Variants in BMP8B observed in about 807,000 individuals in gnomAD.
The protein encoded by BMP8B is bone morphogenetic protein 8b, also known as bone morphogenetic protein 8 (osteogenic protein 2).
BMP8B carries 17 observed loss-of-function variants against 30.3 expected under a neutral mutation model. That is an observed-to-expected ratio of 0.56 (90% confidence interval 0.38 to 0.84). The LOEUF (loss-of-function observed/expected upper bound fraction) is 0.84. Ranked by LOEUF, BMP8B falls within the 40% of genes least tolerant of loss-of-function variation. The pLI, the probability that BMP8B is intolerant of heterozygous loss-of-function variation, is 0.00. For missense variants in BMP8B, 253 were observed against 494.6 expected (o/e 0.51, Z 4.63); for synonymous variants, 131 against 214.7 (o/e 0.61, Z 3.41).
intron 3 of BMP8B, among the ~76,000 whole-genome samples, chr1:39,769,242 C>T (rs999247798): frequency 3.3e-5 from 5 of 150,952 alleles, no homozygotes; most frequent in African/African-American, 1.2e-4. Context: ...GTGAAGATAG[C>T]ATGTCTTCCA....
intron 1 of BMP8B, among the ~76,000 whole-genome samples, chr1:39,779,527 G>C (rs1650473134): frequency 6.6e-6 from 1 of 152,234 alleles, no homozygotes; most frequent in African/African-American, 2.4e-5. Flanking sequence ...GGAATCCTAA[G>C]AGAAGTGCAC....
chr1:39,787,135 T>A (rs1651038015), intron 1 of BMP8B, among the ~76,000 whole-genome samples: 1 of 152,164 alleles, frequency 6.6e-6, no homozygotes, highest in Non-Finnish European at 1.5e-5. Context: ...AGCCTCACTG[T>A]CCTCATCTGG....
chr1:39,786,067 C>T (rs892109147), intron 1 of BMP8B, among the ~76,000 whole-genome samples: 4 of 152,160 alleles, frequency 2.6e-5, no homozygotes, highest in African/African-American at 4.8e-5. Flanking sequence ...GATGTCACCC[C>T]GGATGTGCGG....
At chr1:39,779,987 C>T (rs115693686) in intron 1 of BMP8B, among the ~76,000 whole-genome samples, 3,931 of 152,330 alleles carry the variant, frequency 0.026, 103 homozygotes, top group East Asian at 0.13. Flanking sequence ...CTGGGGCTGA[C>T]GGATCCACTT....
At chr1:39,761,191 G>T in intron 6 of BMP8B, 1 of 153,170 alleles carries the variant, frequency 6.5e-6, no homozygotes, top group Non-Finnish European at 1.5e-5. Flanking sequence ...TCTGCACTTG[G>T]GGTCTAATGG....
At chr1:39,776,106 C>A (rs1301789339) in intron 1 of BMP8B, among the ~76,000 whole-genome samples, 1 of 152,242 alleles carries the variant, frequency 6.6e-6, no homozygotes, top group Non-Finnish European at 1.5e-5. Context: ...GGGACGGGGG[C>A]AGCAGGGAGG....
At chr1:39,762,763 T>C in intron 6 of BMP8B, 1 of 1,347,924 alleles carries the variant, frequency 7.4e-7, no homozygotes, top group Non-Finnish European at 9.9e-7. Context: ...CCCCACACAG[T>C]GTACACATCT....
rs566135524 is a variant in BMP8B at position 39,772,461 on chromosome 1, C to A, written c.673+1847G>T. Among the ~76,000 whole-genome samples, 4 of 77,260 alleles carry A rather than the reference C, an allele frequency of 5.2e-5. 1 individual carries two copies. In the East Asian group the frequency reaches 1.1e-3, roughly 21 times the overall value. 50.7% of individuals were successfully genotyped at this position (77,260 alleles called of 152,430 possible). ...CTTTAAATCCACTTACATGCCAGCA[C>A]CTCCCTCGCCTGGGTCTTCACACTC... On this transcript the variant is annotated intron_variant, in intron 3 of 6. Coordinates refer to ENST00000372827, the MANE Select transcript of BMP8B (RefSeq NM_001720.5).
At position 39,760,360 on chromosome 1, in the gene BMP8B, C is replaced by T; in HGVS notation, c.*59G>A. The stretch of plus-strand genomic sequence containing the variant: ...TCTGGCTGGGTTTGAGGGTTTCCTG[C>T]TTCTGAGGGGCCCGATCCAGATGAG... On this transcript the variant is annotated 3_prime_UTR_variant, in exon 7 of 7. Coordinates refer to ENST00000372827, the MANE Select transcript of BMP8B (RefSeq NM_001720.5). 1.2e-6 allele frequency: 2 copies of T among 1,603,492 alleles called. No individual in the cohort carries two copies. Among genetic ancestry groups the T allele is most frequent in the Non-Finnish European group, 1.7e-6 (2 of 1,176,768 alleles).
At position 39,759,955 on chromosome 1, in the gene BMP8B, A is replaced by C; in HGVS notation, c.*464T>G. The stretch of plus-strand genomic sequence containing the variant: ...ACCCCACCTTGCACCTCGGGCAGGC[A>C]ATGGGGAGCCAACCAGACCCTGACT... On this transcript the variant is annotated 3_prime_UTR_variant, in exon 7 of 7. Coordinates refer to ENST00000372827, the MANE Select transcript of BMP8B (RefSeq NM_001720.5). The C allele has an allele frequency of 5.7e-6, 1 of 174,466 alleles. No individual in the cohort carries two copies. Among genetic ancestry groups the C allele is most frequent in the African/African-American group, 2.4e-5 (1 of 42,192 alleles). The allele number at this position is 174,466 out of a possible 1,614,324, so 10.8% of individuals were successfully genotyped here. A position where few individuals can be genotyped will look rare whatever the true frequency, so the allele number is the denominator to read the frequency against.
At chr1:39,784,372 G>C (rs1283696238) in intron 1 of BMP8B, among the ~76,000 whole-genome samples, 3 of 147,604 alleles carry the variant, frequency 2.0e-5, no homozygotes, top group Non-Finnish European at 4.5e-5. Flanking sequence ...CTTGTGTGTG[G>C]GTCTCAGGTC....
chr1:39,770,669 T>A, intron 3 of BMP8B: 1 of 1,441,538 alleles, frequency 6.9e-7, no homozygotes, highest in Non-Finnish European at 9.3e-7. Flanking sequence ...CAAAAGGAAG[T>A]GGTCGCCGTT....
intron 5 of BMP8B, 119 bp downstream of exon 5, chr1:39,763,593 A>G (rs1649342142): frequency 5.0e-6 from 7 of 1,390,894 alleles, no homozygotes; most frequent in Non-Finnish European, 5.8e-6. Context: ...TGGAAAACAC[A>G]GAAGAAAAAA....
rs1648772787 is a variant in BMP8B, at chr1:39,760,389, G to A, written c.*30C>T. On this transcript the variant is annotated 3_prime_UTR_variant, in exon 7 of 7. Coordinates refer to ENST00000372827, the MANE Select transcript of BMP8B (RefSeq NM_001720.5). ...TGAGGGGCCCGATCCAGATGAGAAG[G>A]GTGGCTGCAGCTGGGCCGGGCGGGT... 1 of 1,612,076 alleles carries A rather than the reference G, an allele frequency of 6.2e-7. No individual in the cohort carries two copies. The highest frequency in any genetic ancestry group is 1.3e-5 in the African/African-American group (1 of 75,048).
rs1244550550 is a variant in BMP8B, at chr1:39,759,137, G to A, written c.*1282C>T. On this transcript the variant is annotated 3_prime_UTR_variant, in exon 7 of 7. Transcript: ENST00000372827. ...CAAATAAACACTCCAACTCCCAGTG[G>A]CTGCTCCAAGGAGAACAGCAGTTTC... is the stretch of plus-strand genomic sequence containing the variant. 6.6e-6 allele frequency: 1 copy of A among 152,282 alleles called. No homozygotes were observed. Among genetic ancestry groups the A allele is most frequent in the Non-Finnish European group, 1.5e-5 (1 of 68,084 alleles). The allele number at this position is 152,282 out of a possible 1,614,324, so 9.4% of individuals were successfully genotyped here. A position where few individuals can be genotyped will look rare whatever the true frequency, so the allele number is the denominator to read the frequency against.
Position 39,760,606 on chromosome 1 carries a change from A to T in BMP8B, c.1060-38T>A, listed in dbSNP as rs573076275. 295 of 1,602,518 alleles carry T rather than the reference A, an allele frequency of 1.8e-4. 2 individuals are homozygous for T. The South Asian group carries it at 3.1e-3, about 17-fold the overall frequency. On this transcript the variant is annotated intron_variant, in intron 6 of 6. Transcript: ENST00000372827. ...AGGGCACAGGCAGGGGCATGAGCCC[A>T]GTGGCCTCCTCCAAGGACCCACCCA...
At position 39,762,852 on chromosome 1, in the gene BMP8B, G is replaced by T. The variant is rs556256167; in HGVS notation, c.1059+240C>A. ...GGAGTTTGTTCGGTGCATAGAACAG[G>T]CATGTGTACACGACTGTTCACGTAT... On this transcript the variant is annotated intron_variant, in intron 6 of 6. Transcript: ENST00000372827. Among the ~76,000 whole-genome samples the T allele has an allele frequency of 2.0e-5, 3 of 152,384 alleles. No homozygotes were observed. In the South Asian group the frequency reaches 6.2e-4, roughly 32 times the overall value.
chr1:39,762,603 G>T, intron 6 of BMP8B: 1 of 1,550,202 alleles, frequency 6.5e-7, no homozygotes, highest in Non-Finnish European at 8.7e-7. Flanking sequence ...AAAGCCAAAA[G>T]GTTGAGAGCC....
intron 6 of BMP8B, 138 bp downstream of exon 6, chr1:39,762,954 G>C: frequency 9.1e-7 from 1 of 1,097,712 alleles, no homozygotes; most frequent in African/African-American, 1.6e-5. Context: ...GGAAGTTAGC[G>C]ACGTTACTGA....
Sources: gnomAD v4.1 joint callset for allele counts (sites outside exome capture counted in the v4.1 genomes callset) on GRCh38, gnomAD v4.1.1 for gene constraint, MANE v1.5 for transcripts, NCBI Gene and HGNC (gene_info 2026-07-23, HGNC 2026-07-21) for gene names.